NMRK1: variants seen among roughly 807,000 people sequenced by gnomAD.
NMRK1 encodes the protein NRK 1.
In NMRK1, 28 loss-of-function variants were observed where a neutral mutation model predicts 29.9. The observed-to-expected ratio is 0.94, with a 90% confidence interval of 0.69 to 1.28. NMRK1 has a LOEUF of 1.28. Ranked by LOEUF, NMRK1 falls within the 50% of genes most tolerant of loss-of-function variation. The probability of loss-of-function intolerance (pLI) is 0.00; values close to 1 mark genes in which losing one functional copy is unlikely to be tolerated. For missense variants in NMRK1, 218 were observed against 233.1 expected, an observed-to-expected ratio of 0.94 and a Z score of 0.42; for synonymous variants, 58 against 73.0, an observed-to-expected ratio of 0.79 and a Z score of 1.05.
chr9:75,081,799 A>C (rs1824337643), intron 2 of NMRK1, among the ~76,000 whole-genome samples: 1 of 152,214 alleles, frequency 6.6e-6, no homozygotes, highest in Non-Finnish European at 1.5e-5. Context: ...TATCCAGCAA[A>C]GGGAGACCTA....
At chr9:75,069,612 G>T in intron 6 of NMRK1, 130 bp downstream of exon 6, 1 of 723,126 alleles carries the variant, frequency 1.4e-6, no homozygotes, top group Non-Finnish European at 2.3e-6. Flanking sequence ...TGCTCCTTTT[G>T]TAAAAGAGTT....
At chr9:75,069,535 T>C (rs1330745524) in intron 6 of NMRK1, 5 of 546,486 alleles carry the variant, frequency 9.1e-6, no homozygotes, top group African/African-American at 5.9e-5. Context: ...AAGCTTGATA[T>C]AAGGCCCTTT....
At chr9:75,063,305 CA>C (rs35418961) in intron 8 of NMRK1, among the ~76,000 whole-genome samples, 72,272 of 118,810 alleles carry the variant, frequency 0.61, 19,685 homozygotes, top group East Asian at 0.7. Context: ...GACTCCATCT[CA>C]AAAAAAAAAA....
Position 75,061,468 on chromosome 9 carries a change from A to G in NMRK1, c.*80T>C. ...TGGCTGTCATTGTACCACAGTATAC[A>G]TTGTATCTTGGTGAAGGTTCTTAAA... On this transcript the variant is annotated 3_prime_UTR_variant, in exon 9 of 9. Coordinates refer to ENST00000361092, the MANE Select transcript of NMRK1 (RefSeq NM_017881.3). 1 of 1,045,366 alleles carries G rather than the reference A, an allele frequency of 9.6e-7. No individual in the cohort carries two copies. Among genetic ancestry groups the G allele is most frequent in the Non-Finnish European group, 1.5e-6 (1 of 679,332 alleles). 64.8% of individuals were successfully genotyped at this position (1,045,366 alleles called of 1,614,324 possible).
chr9:75,076,854 A>G (rs983042342), intron 4 of NMRK1, among the ~76,000 whole-genome samples: 7 of 152,184 alleles, frequency 4.6e-5, no homozygotes, highest in African/African-American at 1.7e-4. Context: ...CGGCCTTCCA[A>G]AAGTGCTGGC....
At chr9:75,074,538 C>T (rs2118137470) in intron 4 of NMRK1, among the ~76,000 whole-genome samples, 1 of 152,136 alleles carries the variant, frequency 6.6e-6, no homozygotes, top group Admixed American at 6.5e-5. Flanking sequence ...AGGTGCGCAC[C>T]ACCACACCTG....
At chr9:75,075,547 T>C (rs7857408) in intron 4 of NMRK1, among the ~76,000 whole-genome samples, 115,338 of 152,216 alleles carry the variant, frequency 0.76, 44,437 homozygotes, top group African/African-American at 0.89. Context: ...TGTGTAAGTA[T>C]TCAATGATCA....
At chr9:75,065,382 A>G (rs1823278344) in intron 8 of NMRK1, among the ~76,000 whole-genome samples, 1 of 152,006 alleles carries the variant, frequency 6.6e-6, no homozygotes, top group African/African-American at 2.4e-5. Flanking sequence ...GTTGGCCAGG[A>G]TGGTCTGGAT....
chr9:75,065,148 T>C (rs1222956044), intron 8 of NMRK1, among the ~76,000 whole-genome samples: 1 of 152,178 alleles, frequency 6.6e-6, no homozygotes, highest in Non-Finnish European at 1.5e-5. Context: ...TATAGGCACG[T>C]GCCACTATGC....
chr9:75,070,385 A>G (rs112049230), intron 4 of NMRK1, among the ~76,000 whole-genome samples: 1 of 152,246 alleles, frequency 6.6e-6, no homozygotes, highest in Non-Finnish European at 1.5e-5. Flanking sequence ...TAAAATTTTT[A>G]GAAGATGAAA....
At chr9:75,069,859 T>G (rs1229753030) in intron 5 of NMRK1, 36 bp downstream of exon 5, 1 of 1,611,886 alleles carries the variant, frequency 6.2e-7, no homozygotes, top group Non-Finnish European at 8.5e-7. Flanking sequence ...TATCCCCCCA[T>G]TCACTCAGAG....
chr9:75,066,588 C>T (rs1564125587), intron 8 of NMRK1, among the ~76,000 whole-genome samples, 169 bp downstream of exon 8: 2 of 59,104 alleles, frequency 3.4e-5, no homozygotes, highest in Non-Finnish European at 7.5e-5. Flanking sequence ...ATAATTGAGT[C>T]TCCAAACCCC....
At chr9:75,079,751 G>T (rs1351756462) in intron 2 of NMRK1, among the ~76,000 whole-genome samples, 1 of 151,970 alleles carries the variant, frequency 6.6e-6, no homozygotes, top group African/African-American at 2.4e-5. Flanking sequence ...GGAATAGGAT[G>T]GGGGAAAGGG....
At chr9:75,077,396 A>C (rs1466431632) in intron 3 of NMRK1, 94 bp downstream of exon 3, 4 of 1,019,628 alleles carry the variant, frequency 3.9e-6, no homozygotes, top group Non-Finnish European at 6.0e-6. Flanking sequence ...CAAAACGTAA[A>C]TCTCTAGCCA....
At chr9:75,080,553 G>A (rs1824258497) in intron 2 of NMRK1, among the ~76,000 whole-genome samples, 2 of 152,190 alleles carry the variant, frequency 1.3e-5, no homozygotes, top group Admixed American at 6.5e-5. Flanking sequence ...TTGGGAGGCT[G>A]AGGCAGGAGA....
intron 1 of NMRK1, among the ~76,000 whole-genome samples, chr9:75,086,221 A>C (rs1824622148): frequency 6.6e-6 from 1 of 152,132 alleles, no homozygotes; most frequent in Admixed American, 6.5e-5. Context: ...TAAAACCAAA[A>C]ACAAAACAAA....
At chr9:75,067,099 A>G in intron 7 of NMRK1, 1 of 319,514 alleles carries the variant, frequency 3.1e-6, no homozygotes, top group South Asian at 7.1e-5. Context: ...AAGAGAAAGA[A>G]AGAAGAAAGG....
intron 4 of NMRK1, among the ~76,000 whole-genome samples, chr9:75,075,498 A>G (rs1823936824): frequency 6.6e-6 from 1 of 152,218 alleles, no homozygotes; most frequent in South Asian, 2.1e-4. Context: ...AATAGAGAAC[A>G]TTATGACTTT....
chr9:75,071,957 T>G (rs754962009), intron 4 of NMRK1, among the ~76,000 whole-genome samples: 2 of 152,154 alleles, frequency 1.3e-5, no homozygotes, highest in South Asian at 2.1e-4. Context: ...CCAACCCCCA[T>G]GGGTGACGTG....
Sources: allele counts gnomAD v4.1 joint callset (sites outside exome capture counted in the v4.1 genomes callset), GRCh38; gene constraint gnomAD v4.1.1; transcripts MANE v1.5; gene names NCBI Gene and HGNC (gene_info 2026-07-23, HGNC 2026-07-21).